Variants in FBXW7 observed in about 807,000 individuals in gnomAD.
FBXW7 encodes the protein F-box and WD repeat domain containing 7, also known as F-box/WD repeat-containing protein 7.
Under a neutral mutation model 86.3 loss-of-function variants are expected in FBXW7, and 11 were observed. The observed-to-expected ratio is 0.13, with a 90% confidence interval of 0.08 to 0.21. FBXW7 has a LOEUF of 0.21. FBXW7 is among the 10% of genes least tolerant of loss of function. FBXW7 has a pLI of 1.00. For missense variants in FBXW7, 488 were observed against 847.4 expected, an observed-to-expected ratio of 0.58 and a Z score of 5.27; for synonymous variants, 313 against 297.9, an observed-to-expected ratio of 1.05 and a Z score of -0.52.
rs538588347 is a variant in FBXW7 at position 152,364,005 on chromosome 4, A to C, written c.502-13881T>G. 3.3e-5 allele frequency among the ~76,000 whole-genome samples: 5 copies of C among 152,286 alleles called. No individual in the cohort carries two copies. The East Asian group carries it at 9.6e-4, about 29-fold the overall frequency. On this transcript the variant is annotated intron_variant, in intron 4 of 13. Transcript: ENST00000281708. ...TTTCAGTATGCAAATGTGTGATGTG[A>C]ATATGAAATCCACACTAGAGCCACT...
At chr4:152,486,062 A>G (rs527536561) in intron 2 of FBXW7, among the ~76,000 whole-genome samples, 9 of 152,200 alleles carry the variant, frequency 5.9e-5, no homozygotes, top group Non-Finnish European at 1.3e-4. Context: ...TAACTGTAAC[A>G]TGGTGCGTCT....
chr4:152,365,102 T>C (rs914390661), intron 4 of FBXW7, among the ~76,000 whole-genome samples: 1 of 152,126 alleles, frequency 6.6e-6, no homozygotes, highest in African/African-American at 2.4e-5. Flanking sequence ...TTCCACCTAG[T>C]CTGTGGGTTC....
chr4:152,408,056 G>A (rs961559656), intron 4 of FBXW7, among the ~76,000 whole-genome samples: 1 of 151,938 alleles, frequency 6.6e-6, no homozygotes, highest in African/African-American at 2.4e-5. Flanking sequence ...GGATAAAAAC[G>A]ATTTAATTAC....
intron 2 of FBXW7, among the ~76,000 whole-genome samples, chr4:152,487,966 T>C (rs1745492320): frequency 6.6e-6 from 1 of 152,016 alleles, no homozygotes; most frequent in African/African-American, 2.4e-5. Context: ...TCCAAAATGA[T>C]TCTAATAAGC....
At chr4:152,352,661 G>A (rs1170352642) in intron 4 of FBXW7, 1 of 1,613,850 alleles carries the variant, frequency 6.2e-7, no homozygotes, top group Non-Finnish European at 8.5e-7. Flanking sequence ...TTAGGGAGCA[G>A]AACCGGCAAC....
intron 4 of FBXW7, among the ~76,000 whole-genome samples, chr4:152,384,162 C>T (rs1735331664): frequency 6.6e-6 from 1 of 152,092 alleles, no homozygotes; most frequent in Non-Finnish European, 1.5e-5. Context: ...GCACATGATC[C>T]AGCATTTCCA....
chr4:152,524,313 A>G (rs1020454547), intron 2 of FBXW7, among the ~76,000 whole-genome samples: 3 of 152,238 alleles, frequency 2.0e-5, no homozygotes, highest in African/African-American at 7.2e-5. Flanking sequence ...ATATAGAATT[A>G]TAAGCACCCC....
chr4:152,405,506 A>G (rs1478286098), intron 4 of FBXW7, among the ~76,000 whole-genome samples: 3 of 152,196 alleles, frequency 2.0e-5, no homozygotes, highest in African/African-American at 7.2e-5. Context: ...TGGCTTTATC[A>G]GTGGGAAATG....
intron 4 of FBXW7, among the ~76,000 whole-genome samples, chr4:152,389,944 C>T (rs184036430): frequency 8.6e-5 from 13 of 151,972 alleles, no homozygotes; most frequent in Admixed American, 7.2e-4. Context: ...GGCATGTATG[C>T]CTGTGCTCTA....
intron 6 of FBXW7, among the ~76,000 whole-genome samples, chr4:152,339,486 A>G (rs1264702121): frequency 6.6e-6 from 1 of 152,196 alleles, no homozygotes; most frequent in African/African-American, 2.4e-5. Context: ...ATTTGGTATC[A>G]ATAGAACAAA....
At chr4:152,509,778 A>G (rs1747791508) in intron 2 of FBXW7, among the ~76,000 whole-genome samples, 1 of 152,208 alleles carries the variant, frequency 6.6e-6, no homozygotes, top group Admixed American at 6.5e-5. Flanking sequence ...AGGAACCAAG[A>G]AAGTTAGGAC....
At chr4:152,437,992 T>G (rs1308934437) in intron 2 of FBXW7, among the ~76,000 whole-genome samples, 1 of 151,870 alleles carries the variant, frequency 6.6e-6, no homozygotes, top group African/African-American at 2.4e-5. Context: ...CTGGCCAACA[T>G]GGTGAAACCC....
intron 4 of FBXW7, among the ~76,000 whole-genome samples, chr4:152,406,809 A>G (rs1301266096): frequency 6.6e-6 from 1 of 152,174 alleles, no homozygotes; most frequent in Admixed American, 6.5e-5. Flanking sequence ...TACCTTTTTA[A>G]AAGAATTTAT....
chr4:152,341,535 T>A (rs1338123355), intron 6 of FBXW7, among the ~76,000 whole-genome samples: 1 of 152,174 alleles, frequency 6.6e-6, no homozygotes, highest in Non-Finnish European at 1.5e-5. Context: ...CACACCCAAG[T>A]AGGGCCTAGC....
At chr4:152,524,817 T>C (rs1994242) in intron 2 of FBXW7, among the ~76,000 whole-genome samples, 147 of 152,342 alleles carry the variant, frequency 9.6e-4, no homozygotes, top group African/African-American at 3.3e-3. Flanking sequence ...TTAGTATTTA[T>C]CCGCAGGGGG....
Position 152,322,884 on chromosome 4 carries a change from C to A in FBXW7, c.2121G>T (p.Lys707Asn). 1 of 1,613,566 alleles carries A rather than the reference C, an allele frequency of 6.2e-7. No individual in the cohort carries two copies. Among genetic ancestry groups the A allele is most frequent in the Non-Finnish European group, 8.5e-7 (1 of 1,179,668 alleles). The change falls in exon 14 of 14, where the codon AAG becomes AAT. Residue 707 changes from lysine (K) to asparagine (N), a missense_variant. Lys to Asn is a moderately conservative substitution (Grantham distance 94, BLOSUM62 0). Transcript: ENST00000281708. ...LLVLDFDVDM[K>N] ...ACAAATTCATCTTTTCTGCTCTTCA[C>A]TTCATGTCCACATCAAAGTCCAGCA...
chr4:152,449,912 T>C (rs1741756863), intron 2 of FBXW7, among the ~76,000 whole-genome samples: 1 of 152,202 alleles, frequency 6.6e-6, no homozygotes, highest in African/African-American at 2.4e-5. Flanking sequence ...TAAATGAACA[T>C]TCATAGACCA....
intron 4 of FBXW7, among the ~76,000 whole-genome samples, chr4:152,384,572 A>C (rs1475841875): frequency 6.6e-6 from 1 of 152,018 alleles, no homozygotes; most frequent in Non-Finnish European, 1.5e-5. Context: ...CAGTAGGAGA[A>C]AATGAAAATA....
intron 2 of FBXW7, among the ~76,000 whole-genome samples, chr4:152,529,332 T>C (rs1215351439): frequency 6.6e-6 from 1 of 152,114 alleles, no homozygotes; most frequent in African/African-American, 2.4e-5. Flanking sequence ...TGTACTAACA[T>C]TGTCAGATTA....
Sources: allele counts gnomAD v4.1 joint callset (sites outside exome capture counted in the v4.1 genomes callset), GRCh38; gene constraint gnomAD v4.1.1; transcripts MANE v1.5; gene names NCBI Gene and HGNC (gene_info 2026-07-23, HGNC 2026-07-21).